Variants in ADGRV1 observed in about 807,000 individuals in gnomAD.
The protein encoded by ADGRV1 is adhesion G protein-coupled receptor V1, also known as G-protein coupled receptor 98.
In ADGRV1, 359 loss-of-function variants were observed where a neutral mutation model predicts 596.2. The ratio of observed to expected loss-of-function variants is 0.60; its 90% CI spans 0.55 to 0.66. ADGRV1 has a LOEUF of 0.66. Ranked by LOEUF, ADGRV1 falls within the 30% of genes least tolerant of loss-of-function variation. The pLI is 0.00. For synonymous variants in ADGRV1, 2,681 were observed against 2,679.2 expected, an observed-to-expected ratio of 1.00 and a Z score of -0.02; for missense variants, 7,274 against 7,575.6, an observed-to-expected ratio of 0.96 and a Z score of 1.48.
Position 90,653,304 on chromosome 5 carries a change from T to C in ADGRV1, c.3730T>C (p.Leu1244=). The change falls in exon 20 of 90, where the codon TTG becomes CTG. Residue 1244 remains leucine, a synonymous_variant. Transcript: ENST00000405460. ...FNDDPFGVFI[L]DPECLEREVA... is the part of the protein sequence containing the mutation. ...TGATGATCCCTTTGGAGTTTTTATC[T>C]TGGATCCAGAGTGTTTAGAGAGAGA... 4 of 1,613,944 alleles carry C rather than the reference T, an allele frequency of 2.5e-6. No individual in the cohort carries two copies. The highest frequency in any genetic ancestry group is 3.4e-6 in the Non-Finnish European group (4 of 1,179,862).
At chr5:90,773,390 G>A (rs1001509232) in intron 59 of ADGRV1, among the ~76,000 whole-genome samples, 22 of 151,848 alleles carry the variant, frequency 1.4e-4, no homozygotes, top group Non-Finnish European at 2.4e-4. Context: ...GCTGTTGACC[G>A]AAGTAGGACC....
At chr5:91,039,434 G>A (rs1438797296) in intron 85 of ADGRV1, among the ~76,000 whole-genome samples, 1 of 152,212 alleles carries the variant, frequency 6.6e-6, no homozygotes, top group South Asian at 2.1e-4. Context: ...TGAAAACAGG[G>A]AAGACTGTTT....
At chr5:90,862,009 C>T (rs533404733) in intron 82 of ADGRV1, among the ~76,000 whole-genome samples, 26 of 152,292 alleles carry the variant, frequency 1.7e-4, no homozygotes, top group African/African-American at 5.3e-4. Flanking sequence ...CTTCCTGCCA[C>T]TGGCTTTGAA....
At chr5:90,645,750 C>G (rs944771416) in intron 15 of ADGRV1, among the ~76,000 whole-genome samples, 1 of 151,894 alleles carries the variant, frequency 6.6e-6, no homozygotes, top group African/African-American at 2.4e-5. Context: ...CATAGTTAGT[C>G]TAAATGAAGT....
At chr5:90,731,180 G>A (rs1752491477) in intron 50 of ADGRV1, among the ~76,000 whole-genome samples, 1 of 152,126 alleles carries the variant, frequency 6.6e-6, no homozygotes, top group South Asian at 2.1e-4. Context: ...TGCTTTGGGA[G>A]GCCTCAGGAA....
chr5:91,009,986 A>G (rs1782592995), intron 85 of ADGRV1, among the ~76,000 whole-genome samples: 2 of 147,942 alleles, frequency 1.4e-5, no homozygotes, highest in African/African-American at 5.1e-5. Context: ...CCATTAAGGC[A>G]TTACAGAGCA....
rs766493253 is a variant in ADGRV1 at position 90,653,359 on chromosome 5, A to G, written c.3785A>G (p.Asp1262Gly). 1 of 1,613,886 alleles carries G rather than the reference A, an allele frequency of 6.2e-7. No homozygotes were observed. Residue 1262 changes from aspartate (D) to glycine (G), a missense_variant, in exon 20 of 90, where the codon GAT becomes GGT. Transcript: ENST00000405460. Reference sequence around the variant, plus strand: ...GCAGAAGATGTCCTGTCTGAAGATGATATGTCTTATATTACCAACTTCACC... The same window carrying G: ...GCAGAAGATGTCCTGTCTGAAGATGGTATGTCTTATATTACCAACTTCACC... ...EVAEDVLSED[D>G]MSYITNFTIL... is the part of the protein sequence containing the mutation.
At chr5:90,815,844 G>A in intron 75 of ADGRV1, 108 bp downstream of exon 75, 1 of 656,896 alleles carries the variant, frequency 1.5e-6, no homozygotes, top group South Asian at 1.9e-5. Flanking sequence ...AGGAGGTAGT[G>A]TCGAATTTGG....
intron 85 of ADGRV1, among the ~76,000 whole-genome samples, chr5:91,046,663 G>A (rs1276995553): frequency 6.6e-6 from 1 of 152,142 alleles, no homozygotes; most frequent in African/African-American, 2.4e-5. Flanking sequence ...AAGACGAACA[G>A]CTGGGACTTA....
At chr5:90,624,641 T>G (rs1764503209) in intron 5 of ADGRV1, among the ~76,000 whole-genome samples, 1 of 152,170 alleles carries the variant, frequency 6.6e-6, no homozygotes, top group Admixed American at 6.5e-5. Flanking sequence ...TTCCCTTCCT[T>G]TAAATGTCAG....
chr5:90,956,634 C>T (rs1053953378), intron 83 of ADGRV1, among the ~76,000 whole-genome samples: 5 of 152,164 alleles, frequency 3.3e-5, no homozygotes, highest in African/African-American at 1.2e-4. Flanking sequence ...GATATTTCAG[C>T]CAGCCTTTGC....
intron 85 of ADGRV1, among the ~76,000 whole-genome samples, chr5:91,007,479 T>C (rs1236991256): frequency 2.0e-5 from 3 of 152,182 alleles, no homozygotes; most frequent in Non-Finnish European, 2.9e-5. Flanking sequence ...AAGATGCCCA[T>C]TTCTGTCTCC....
In ADGRV1 at chr5:90,711,325, G is replaced by T. The variant is rs751433443; in HGVS notation, c.9042+3G>T. 1 of 1,592,678 alleles carries T rather than the reference G, an allele frequency of 6.3e-7. No homozygotes were observed. The highest frequency in any genetic ancestry group is 2.2e-5 in the East Asian group (1 of 44,554). On this transcript the variant is annotated splice_donor_region_variant and intron_variant, in intron 41 of 89. Transcript: ENST00000405460. ...TGGATTATATCTTCACCCCAATGGT[G>T]GGTCTCAAAATCTATCACAGATGAC...
At chr5:91,089,456 G>A (rs1421993858) in intron 86 of ADGRV1, among the ~76,000 whole-genome samples, 1 of 152,086 alleles carries the variant, frequency 6.6e-6, no homozygotes, top group African/African-American at 2.4e-5. Context: ...TTTTAAATTT[G>A]TATTACAGTT....
intron 83 of ADGRV1, among the ~76,000 whole-genome samples, chr5:90,960,279 T>C (rs59665236): frequency 0.18 from 26,770 of 152,030 alleles, 3,470 homozygotes; most frequent in East Asian, 0.5. Flanking sequence ...TGATGATGGC[T>C]TCACAGGTGC....
intron 13 of ADGRV1, 87 bp from the exon 14 acceptor site, chr5:90,643,716 A>G: frequency 1.0e-6 from 1 of 994,482 alleles, no homozygotes; most frequent in South Asian, 1.9e-5. Flanking sequence ...AACTTTGAGT[A>G]TATTAATATT....
intron 1 of ADGRV1, among the ~76,000 whole-genome samples, chr5:90,577,661 G>C (rs1757413544): frequency 6.6e-6 from 1 of 152,112 alleles, no homozygotes; most frequent in South Asian, 2.1e-4. Flanking sequence ...AAGAAAGTCA[G>C]TGGTAGCTTG....
chr5:90,668,759 G>C (rs573577897), intron 21 of ADGRV1, among the ~76,000 whole-genome samples: 23 of 151,882 alleles, frequency 1.5e-4, no homozygotes, highest in African/African-American at 5.6e-4. Context: ...GCGTGTAACT[G>C]TACATTCTTT....
At chr5:90,755,443 A>G (rs1040555551) in intron 55 of ADGRV1, among the ~76,000 whole-genome samples, 7 of 152,148 alleles carry the variant, frequency 4.6e-5, no homozygotes, top group East Asian at 1.9e-4. Context: ...TGAAGCACTG[A>G]ATTTAGATTA....
Sources: gnomAD v4.1 joint callset for allele counts (sites outside exome capture counted in the v4.1 genomes callset) on GRCh38, gnomAD v4.1.1 for gene constraint, MANE v1.5 for transcripts, NCBI Gene and HGNC (gene_info 2026-07-23, HGNC 2026-07-21) for gene names.